Variants in ZFPM2 observed in about 807,000 individuals in gnomAD.
ZFPM2 encodes zinc finger protein, FOG family member 2.
ZFPM2 carries 20 observed loss-of-function variants against 98.6 expected under a neutral mutation model. The ratio of observed to expected loss-of-function variants is 0.20; its 90% CI spans 0.14 to 0.29. The LOEUF (loss-of-function observed/expected upper bound fraction) is 0.29. Ranked by LOEUF, ZFPM2 falls within the 10% of genes least tolerant of loss-of-function variation. The probability of loss-of-function intolerance (pLI) is 1.00; values close to 1 mark genes in which losing one functional copy is unlikely to be tolerated. For missense variants in ZFPM2, 1,310 were observed against 1,388.6 expected (o/e 0.94, Z 0.90); for synonymous variants, 518 against 502.7 (o/e 1.03, Z -0.41).
chr8:105,620,928 G>A lies in ZFPM2; in HGVS notation c.421-13318G>A, dbSNP rs1052622433. 5.3e-5 allele frequency among the ~76,000 whole-genome samples: 8 copies of A among 152,034 alleles called. No individual in the cohort carries two copies. In the East Asian group the frequency reaches 5.8e-4, roughly 11 times the overall value. On this transcript the variant is annotated intron_variant, in intron 4 of 7. Coordinates refer to ENST00000407775, the MANE Select transcript of ZFPM2 (RefSeq NM_012082.4). ...GTACCAGTACCATGCTGTTTTGGTC[G>A]CTGTAGCCTCGTAGTATAGTTTGAA...
chr8:105,455,503 G>T (rs1812570659), intron 3 of ZFPM2, among the ~76,000 whole-genome samples: 1 of 149,200 alleles, frequency 6.7e-6, no homozygotes, highest in African/African-American at 2.4e-5. Flanking sequence ...TCAGTGCCTT[G>T]TAGTCTGTAA....
chr8:105,389,387 GA>G (rs1275978701), intron 1 of ZFPM2, among the ~76,000 whole-genome samples: 1 of 151,998 alleles, frequency 6.6e-6, no homozygotes, highest in Non-Finnish European at 1.5e-5. Flanking sequence ...GGACAAAGAG[GA>G]AAATCAGAGG....
At chr8:105,586,477 C>T (rs975485337) in intron 4 of ZFPM2, among the ~76,000 whole-genome samples, 1 of 152,014 alleles carries the variant, frequency 6.6e-6, no homozygotes, top group Non-Finnish European at 1.5e-5. Context: ...GGCTGGAGTG[C>T]AGCGGCACAA....
At chr8:105,533,188 G>A (rs529043554) in intron 3 of ZFPM2, among the ~76,000 whole-genome samples, 2 of 152,120 alleles carry the variant, frequency 1.3e-5, no homozygotes, top group Non-Finnish European at 2.9e-5. Flanking sequence ...CTGGAGCAAA[G>A]TAGACTGCAA....
intron 2 of ZFPM2, among the ~76,000 whole-genome samples, chr8:105,424,655 A>G (rs781361652): frequency 2.6e-5 from 4 of 152,054 alleles, no homozygotes; most frequent in African/African-American, 9.6e-5. Context: ...TGTTAGCCCC[A>G]TAAGTAATTA....
intron 5 of ZFPM2, among the ~76,000 whole-genome samples, chr8:105,647,647 G>A (rs1483437256): frequency 2.0e-5 from 3 of 151,678 alleles, no homozygotes; most frequent in East Asian, 1.9e-4. Context: ...TTGTCTTTGC[G>A]ATAGTTTGCT....
At chr8:105,381,381 C>A (rs1431365073) in intron 1 of ZFPM2, among the ~76,000 whole-genome samples, 2 of 151,954 alleles carry the variant, frequency 1.3e-5, no homozygotes, top group African/African-American at 2.4e-5. Flanking sequence ...TCACTTCATT[C>A]TTCTTGATTG....
At chr8:105,519,687 C>T (rs1304249714) in intron 3 of ZFPM2, among the ~76,000 whole-genome samples, 57 of 151,872 alleles carry the variant, frequency 3.8e-4, no homozygotes, top group Admixed American at 3.5e-3. Context: ...AACTCACATA[C>T]GTATTATAAT....
Position 105,798,720 on chromosome 8 carries a change from G to A in ZFPM2, c.740-4G>A, listed in dbSNP as rs370717147. ...AAATGTGTCTCTTGTGTTTTTACCT[G>A]CAGAGGATATATTCCCTTGCAAGTC... On this transcript the variant is annotated splice_polypyrimidine_tract_variant and splice_region_variant and intron_variant, in intron 6 of 7. Coordinates refer to ENST00000407775, the MANE Select transcript of ZFPM2 (RefSeq NM_012082.4). The A allele has an allele frequency of 6.2e-7, 1 of 1,610,966 alleles. No homozygotes were observed. The highest frequency in any genetic ancestry group is 8.5e-7 in the Non-Finnish European group (1 of 1,178,122).
At chr8:105,721,624 A>T (rs971907679) in intron 5 of ZFPM2, among the ~76,000 whole-genome samples, 1 of 151,958 alleles carries the variant, frequency 6.6e-6, no homozygotes, top group Non-Finnish European at 1.5e-5. Flanking sequence ...TTGCATTCAC[A>T]CTGTATTTAG....
intron 3 of ZFPM2, among the ~76,000 whole-genome samples, chr8:105,560,115 G>T (rs1434464103): frequency 1.3e-5 from 2 of 148,614 alleles, no homozygotes; most frequent in Admixed American, 6.8e-5. Flanking sequence ...GCTGGGGCAG[G>T]AGAAACTCTT....
intron 4 of ZFPM2, among the ~76,000 whole-genome samples, chr8:105,616,924 A>G (rs531664210): frequency 4.7e-5 from 7 of 148,408 alleles, no homozygotes; most frequent in Non-Finnish European, 1.0e-4. Context: ...AGACTGAGAC[A>G]TGAGAATCAC....
chr8:105,482,492 T>G (rs1665565669), intron 3 of ZFPM2, among the ~76,000 whole-genome samples: 1 of 152,168 alleles, frequency 6.6e-6, no homozygotes, highest in Admixed American at 6.5e-5. Context: ...TATACATTTT[T>G]TAATTCTTTT....
At chr8:105,776,120 C>T (rs1023884741) in intron 5 of ZFPM2, among the ~76,000 whole-genome samples, 2 of 151,160 alleles carry the variant, frequency 1.3e-5, no homozygotes, top group African/African-American at 4.9e-5. Context: ...GGAAAGAATA[C>T]AAGCCACGAA....
chr8:105,757,271 T>A (rs1217077494), intron 5 of ZFPM2, among the ~76,000 whole-genome samples: 1 of 152,156 alleles, frequency 6.6e-6, no homozygotes, highest in Non-Finnish European at 1.5e-5. Context: ...TGATTGCATA[T>A]TAGACTCACA....
intron 1 of ZFPM2, among the ~76,000 whole-genome samples, chr8:105,386,806 G>C (rs1034851668): frequency 6.6e-6 from 1 of 152,098 alleles, no homozygotes; most frequent in Non-Finnish European, 1.5e-5. Flanking sequence ...GTGCTGATTG[G>C]TGTGTTTACA....
intron 4 of ZFPM2, among the ~76,000 whole-genome samples, chr8:105,625,247 A>AT (rs893092991): frequency 3.9e-5 from 6 of 152,052 alleles, no homozygotes; most frequent in Non-Finnish European, 7.4e-5. Flanking sequence ...ATAGCATATA[A>AT]TTTTTTTCAA....
chr8:105,771,183 G>A (rs770764841), intron 5 of ZFPM2, among the ~76,000 whole-genome samples: 12 of 150,604 alleles, frequency 8.0e-5, no homozygotes, highest in Non-Finnish European at 1.2e-4. Context: ...ATTTTTTTTC[G>A]CCCAACTTGT....
intron 5 of ZFPM2, among the ~76,000 whole-genome samples, chr8:105,655,679 T>G (rs1429614234): frequency 6.6e-6 from 1 of 152,198 alleles, no homozygotes; most frequent in African/African-American, 2.4e-5. Flanking sequence ...CCCTCTACCA[T>G]AACAACATGT....
Sources: allele counts gnomAD v4.1 joint callset (sites outside exome capture counted in the v4.1 genomes callset), GRCh38; gene constraint gnomAD v4.1.1; transcripts MANE v1.5; gene names NCBI Gene and HGNC (gene_info 2026-07-23, HGNC 2026-07-21).